Variants in HMCN1 observed in about 807,000 individuals in gnomAD.
HMCN1 encodes the protein hemicentin-1.
HMCN1 carries 321 observed loss-of-function variants against 625.9 expected under a neutral mutation model. The observed-to-expected ratio is 0.51, with a 90% CI of 0.47 to 0.56. The LOEUF is 0.56. HMCN1 is among the 20% of genes least tolerant of loss of function. The probability of loss-of-function intolerance (pLI) is 0.00; values close to 1 mark genes in which losing one functional copy is unlikely to be tolerated. For missense variants in HMCN1, 6,588 were observed against 6,887.3 expected (o/e 0.96, Z 1.54); for synonymous variants, 2,425 against 2,417.6 (o/e 1.00, Z -0.09).
intron 36 of HMCN1, among the ~76,000 whole-genome samples, chr1:186,028,908 G>T (rs542536671): frequency 6.6e-6 from 1 of 151,620 alleles, no homozygotes; most frequent in Admixed American, 6.6e-5. Flanking sequence ...TGTCTTTTTA[G>T]TAGAGACGGG....
chr1:185,787,303 G>A (rs1279781184), intron 1 of HMCN1, among the ~76,000 whole-genome samples: 2 of 152,188 alleles, frequency 1.3e-5, no homozygotes, highest in Non-Finnish European at 2.9e-5. Context: ...TGGTGGCAGA[G>A]AATGCCCTTC....
Position 186,188,008 on chromosome 1 carries a change from G to T in HMCN1, c.16540G>T (p.Gly5514Trp). The T allele has an allele frequency of 6.2e-7, 1 of 1,613,812 alleles. No homozygotes were observed. Among genetic ancestry groups the T allele is most frequent in the Non-Finnish European group, 8.5e-7 (1 of 1,179,762 alleles). Residue 5514 changes from glycine to tryptophan, a missense_variant and splice_region_variant, in exon 106 of 107, where the codon GGG (glycine) becomes TGG (tryptophan). Around this residue, in one of 3 missense-constraint regions of HMCN1, gnomAD observed 1,954 missense variants for 2,013.1 expected, o/e 0.97. Coordinates refer to ENST00000271588, the MANE Select transcript of HMCN1 (RefSeq NM_031935.3). ...PPNYQRDPVS[G>W]FCLKNCPPND... ...CAACTACCAACGGGATCCTGTTTCA[G>T]GGTATGTCTTGCCTTCTCATCCCAG...
At chr1:185,775,418 A>G (rs1411419234) in intron 1 of HMCN1, among the ~76,000 whole-genome samples, 3 of 151,928 alleles carry the variant, frequency 2.0e-5, no homozygotes, top group African/African-American at 7.3e-5. Context: ...TCTCTTAAAA[A>G]AAGAAAAAAA....
chr1:186,048,627 T>C, intron 41 of HMCN1, 116 bp from the exon 42 acceptor site: 1 of 714,980 alleles, frequency 1.4e-6, no homozygotes. Context: ...TTTGTCTATT[T>C]TTTATATGTA....
chr1:185,811,748 A>G (rs1216780872), intron 1 of HMCN1, among the ~76,000 whole-genome samples: 1 of 152,058 alleles, frequency 6.6e-6, no homozygotes, highest in Admixed American at 6.5e-5. Flanking sequence ...AAATACACAT[A>G]TGTATATACA....
chr1:185,742,273 A>G (rs966807616), intron 1 of HMCN1, among the ~76,000 whole-genome samples: 2 of 152,222 alleles, frequency 1.3e-5, no homozygotes, highest in Non-Finnish European at 2.9e-5. Flanking sequence ...AAAGAGGTTC[A>G]AAGTAGCAAG....
In HMCN1 at chr1:185,951,593, G is replaced by C. The variant is rs575699846; in HGVS notation, c.1829-10925G>C. Among the ~76,000 whole-genome samples the C allele has an allele frequency of 2.4e-3, 360 of 151,300 alleles. 3 individuals carry two copies. Among genetic ancestry groups the C allele is most frequent in the East Asian group, 0.02 (104 of 5,172 alleles). On this transcript the variant is annotated intron_variant, in intron 11 of 106. Transcript: ENST00000271588. ...CTAAGCCGAGAAGATCTGGGAAGGA[G>C]TCAGTCAGAGAGCCTTGGGCCAGAG...
rs1434381560 is a variant in HMCN1, at chr1:186,189,756, C to G, written c.16786C>G (p.Pro5596Ala). 6.2e-7 allele frequency: 1 copy of G among 1,613,670 alleles called. No individual in the cohort carries two copies. Among genetic ancestry groups the G allele is most frequent in the Non-Finnish European group, 8.5e-7 (1 of 1,179,818 alleles). The stretch of plus-strand genomic sequence containing the variant: ...GAAAGGAGTGGTGTATACAACACGA[C>G]CACTACGAGAAGCAGAGACCTACCG... Reference protein sequence around the residue: ...NLKGVVYTTRPLREAETYRMR... With the variant: ...NLKGVVYTTRALREAETYRMR... Residue 5596 changes from proline (P) to alanine (A), a missense_variant, in exon 107 of 107, where the codon CCA becomes GCA. This residue lies in a region of HMCN1 where 1,954 missense variants were observed against 2,013.1 expected (regional missense o/e 0.97). Transcript: ENST00000271588.
chr1:185,818,530 T>C (rs1218723259), intron 1 of HMCN1, among the ~76,000 whole-genome samples: 2 of 152,194 alleles, frequency 1.3e-5, no homozygotes, highest in Non-Finnish European at 2.9e-5. Context: ...ATATAATTTT[T>C]CAGATGTGAA....
Position 186,081,112 on chromosome 1 carries a change from T to G in HMCN1, c.8600-95T>G, listed in dbSNP as rs985169806. The G allele has an allele frequency of 6.8e-6, 7 of 1,028,028 alleles. No individual in the cohort carries two copies. The African/African-American group carries it at 1.1e-4, about 16-fold the overall frequency. 63.7% of individuals were successfully genotyped at this position (1,028,028 alleles called of 1,614,324 possible). On this transcript the variant is annotated intron_variant, in intron 55 of 106. Coordinates refer to ENST00000271588, the MANE Select transcript of HMCN1 (RefSeq NM_031935.3). ...TTCTCCTTCAAGTTTTGCTTCTCTATTATTATCCCAAAGTTTTTAAAGCTG... is the reference window on the plus strand; with the variant it reads ...TTCTCCTTCAAGTTTTGCTTCTCTAGTATTATCCCAAAGTTTTTAAAGCTG...
chr1:186,067,098 T>C lies in HMCN1; in HGVS notation c.7706-736T>C, dbSNP rs548625368. 2.6e-5 allele frequency among the ~76,000 whole-genome samples: 4 copies of C among 152,322 alleles called. No homozygotes were observed. In the East Asian group the frequency reaches 7.7e-4, roughly 29 times the overall value. On this transcript the variant is annotated intron_variant, in intron 49 of 106. Coordinates refer to ENST00000271588, the MANE Select transcript of HMCN1 (RefSeq NM_031935.3). ...AATCTTTCTACATTTTATATTTTTA[T>C]GTTGCTTCTCTGCAGTTTAGGTTCC...
chr1:185,844,743 C>A (rs2102315953), intron 1 of HMCN1, among the ~76,000 whole-genome samples: 1 of 152,116 alleles, frequency 6.6e-6, no homozygotes, highest in Middle Eastern at 3.4e-3. Flanking sequence ...ATTTTAATAC[C>A]ATTACTTAAA....
chr1:186,018,377 T>C, intron 34 of HMCN1, 25 bp downstream of exon 34: 1 of 1,600,630 alleles, frequency 6.2e-7, no homozygotes, highest in South Asian at 1.1e-5. Context: ...GGACAGGAAC[T>C]TTGCATCTTA....
At position 185,984,271 on chromosome 1, in the gene HMCN1, G is replaced by A. The variant is rs753590743; in HGVS notation, c.2893G>A (p.Val965Ile). The A allele has an allele frequency of 1.4e-5, 22 of 1,613,854 alleles. No homozygotes were observed. Among genetic ancestry groups the A allele is most frequent in the Middle Eastern group, 3.3e-4 (2 of 6,082 alleles). ...GGEYTCVASN[V>I]AGTNNKTTSV... ...TGAATATACTTGTGTGGCCAGTAAC[G>A]TTGCTGGGACCAATAACAAAACTAC... Residue 965 changes from valine to isoleucine, a missense_variant, in exon 19 of 107, where the codon GTT (valine) becomes ATT (isoleucine). Val to Ile is a conservative substitution (Grantham distance 29). This residue lies in a region of HMCN1 where 4,628 missense variants were observed against 4,853.1 expected (regional missense o/e 0.95). Coordinates refer to ENST00000271588, the MANE Select transcript of HMCN1 (RefSeq NM_031935.3).
intron 81 of HMCN1, among the ~76,000 whole-genome samples, chr1:186,124,070 C>G (rs1179258960): frequency 6.6e-6 from 1 of 152,100 alleles, no homozygotes; most frequent in East Asian, 1.9e-4. Flanking sequence ...TCAATATACA[C>G]TATCCATTTG....
intron 75 of HMCN1, among the ~76,000 whole-genome samples, chr1:186,116,386 A>G (rs1661134532): frequency 6.6e-6 from 1 of 150,714 alleles, no homozygotes; most frequent in Admixed American, 6.7e-5. Context: ...AGTTTTGAAT[A>G]TATATACACA....
rs1180438359 is a variant in HMCN1, at chr1:185,922,488, G to T, written c.1010G>T (p.Arg337Ile). 13 of 1,612,452 alleles carry T rather than the reference G, an allele frequency of 8.1e-6. No individual in the cohort carries two copies. Among genetic ancestry groups the T allele is most frequent in the Non-Finnish European group, 1.1e-5 (13 of 1,179,026 alleles). Residue 337 changes from arginine to isoleucine, a missense_variant, in exon 7 of 107, where the codon AGA (arginine) becomes ATA (isoleucine). By Grantham distance (97) the Arg-to-Ile change is moderately conservative. Transcript: ENST00000271588. Reference sequence around the variant, plus strand: ...CTGGACTTCAAAAAAACAGTCAGCAGACCAGTGCAAGGTTTGTATGTGCAT... The same window carrying T: ...CTGGACTTCAAAAAAACAGTCAGCATACCAGTGCAAGGTTTGTATGTGCAT... ...PTLDFKKTVS[R>I]PVQGIPTYVL... is the part of the protein sequence containing the mutation.
At chr1:186,078,872 G>A (rs1459172508) in intron 55 of HMCN1, among the ~76,000 whole-genome samples, 4 of 152,158 alleles carry the variant, frequency 2.6e-5, no homozygotes, top group African/African-American at 9.7e-5. Flanking sequence ...TATTTTTCCT[G>A]TAAGGGAAAA....
At chr1:185,900,892 T>TA (rs1479868948) in intron 4 of HMCN1, among the ~76,000 whole-genome samples, 1 of 151,818 alleles carries the variant, frequency 6.6e-6, no homozygotes, top group African/African-American at 2.4e-5. Flanking sequence ...TTGAATATGT[T>TA]AAAGTATCTA....
Sources: gnomAD v4.1 joint callset for allele counts (sites outside exome capture counted in the v4.1 genomes callset) on GRCh38, gnomAD v4.1.1 for gene constraint, gnomAD v4.1.1 regional missense constraint, MANE v1.5 for transcripts, NCBI Gene and HGNC (gene_info 2026-07-23, HGNC 2026-07-21) for gene names.